HIVEP2: variants seen among roughly 807,000 people sequenced by gnomAD.
HIVEP2 encodes HIVEP zinc finger 2.
Under a neutral mutation model 180.7 loss-of-function variants are expected in HIVEP2, and 14 were observed. That is an observed-to-expected ratio of 0.08 (90% CI 0.05 to 0.12). The LOEUF (loss-of-function observed/expected upper bound fraction) is 0.12, where lower values mean the gene tolerates loss of function less well. HIVEP2 is among the 10% of genes least tolerant of loss of function. HIVEP2 has a pLI of 1.00. For synonymous variants in HIVEP2, 1,184 were observed against 1,136.4 expected, an observed-to-expected ratio of 1.04 and a Z score of -0.84; for missense variants, 2,579 against 3,008.5, an observed-to-expected ratio of 0.86 and a Z score of 3.34.
At chr6:142,819,953 A>G (rs1240163051) in intron 2 of HIVEP2, among the ~76,000 whole-genome samples, 1 of 152,120 alleles carries the variant, frequency 6.6e-6, no homozygotes. Context: ...GTATAGCAAA[A>G]TCCTTTCAGC....
chr6:142,886,386 C>T (rs768256048), intron 1 of HIVEP2, among the ~76,000 whole-genome samples: 13 of 152,052 alleles, frequency 8.5e-5, no homozygotes, highest in Non-Finnish European at 1.8e-4. Flanking sequence ...TTCTCTTTTC[C>T]TCCCACTCAA....
At chr6:142,841,285 G>C (rs1350014467) in intron 1 of HIVEP2, among the ~76,000 whole-genome samples, 1 of 151,898 alleles carries the variant, frequency 6.6e-6, no homozygotes, top group Non-Finnish European at 1.5e-5. Context: ...CTTTCTATAA[G>C]CTTGCTTTAT....
At chr6:142,838,209 G>A (rs779048516) in intron 1 of HIVEP2, among the ~76,000 whole-genome samples, 3 of 152,058 alleles carry the variant, frequency 2.0e-5, no homozygotes, top group Non-Finnish European at 4.4e-5. Flanking sequence ...ATACTAACTA[G>A]AAATCCATGT....
rs559703835 is a variant in HIVEP2, at chr6:142,924,651, G to T, written c.-641+20448C>A. On this transcript the variant is annotated intron_variant, in intron 1 of 9. Coordinates refer to ENST00000367603, the MANE Select transcript of HIVEP2 (RefSeq NM_006734.4). Reference sequence around the variant, plus strand: ...CACAAAATTTTTCTGCAGTACAAAAGGTGGAATATATGCCCAAAAGTAGAT... The same window carrying T: ...CACAAAATTTTTCTGCAGTACAAAATGTGGAATATATGCCCAAAAGTAGAT... 3.3e-5 allele frequency among the ~76,000 whole-genome samples: 5 copies of T among 152,262 alleles called. No homozygotes were observed. In the South Asian group the frequency reaches 8.3e-4, roughly 25 times the overall value.
At chr6:142,843,727 C>T (rs1026758035) in intron 1 of HIVEP2, among the ~76,000 whole-genome samples, 1 of 152,152 alleles carries the variant, frequency 6.6e-6, no homozygotes, top group Non-Finnish European at 1.5e-5. Flanking sequence ...AATTCTATTC[C>T]AGGACAGGAA....
At chr6:142,915,699 A>T (rs1288417357) in intron 1 of HIVEP2, among the ~76,000 whole-genome samples, 1 of 151,872 alleles carries the variant, frequency 6.6e-6, no homozygotes, top group Non-Finnish European at 1.5e-5. Context: ...AGGCCTGTAA[A>T]AGTTAGGGTT....
At chr6:142,769,340 T>C (rs1775460704) in intron 5 of HIVEP2, among the ~76,000 whole-genome samples, 3 of 152,202 alleles carry the variant, frequency 2.0e-5, no homozygotes, top group African/African-American at 7.2e-5. Flanking sequence ...GTAGGCTTTT[T>C]CTTCTGAAAA....
chr6:142,776,735 A>G (rs1249365258), intron 3 of HIVEP2, among the ~76,000 whole-genome samples: 4 of 151,964 alleles, frequency 2.6e-5, no homozygotes, highest in Non-Finnish European at 4.4e-5. Flanking sequence ...CTCTTGCCAT[A>G]TTGCCCAGGC....
chr6:142,804,505 A>T (rs946773545), intron 2 of HIVEP2, among the ~76,000 whole-genome samples: 4 of 152,126 alleles, frequency 2.6e-5, no homozygotes, highest in Admixed American at 6.6e-5. Flanking sequence ...CCAAAAGCCA[A>T]CTGAAGACTT....
intron 1 of HIVEP2, among the ~76,000 whole-genome samples, chr6:142,900,036 A>C (rs1343891367): frequency 6.6e-6 from 1 of 152,210 alleles, no homozygotes; most frequent in Non-Finnish European, 1.5e-5. Flanking sequence ...TCTAAACCTT[A>C]ATATAATGTT....
intron 1 of HIVEP2, among the ~76,000 whole-genome samples, chr6:142,867,057 T>C (rs1776159417): frequency 1.3e-5 from 2 of 152,290 alleles, no homozygotes; most frequent in East Asian, 1.9e-4. Context: ...CAACCTGCTC[T>C]GGGTAAGTAT....
At chr6:142,823,805 C>T (rs1395117426) in intron 2 of HIVEP2, among the ~76,000 whole-genome samples, 1 of 152,124 alleles carries the variant, frequency 6.6e-6, no homozygotes, top group Non-Finnish European at 1.5e-5. Context: ...TAAAAACAAA[C>T]TTGTGAATAG....
chr6:142,899,376 C>T (rs1472883886), intron 1 of HIVEP2, among the ~76,000 whole-genome samples: 2 of 152,190 alleles, frequency 1.3e-5, no homozygotes, highest in Non-Finnish European at 2.9e-5. Context: ...CACAGCTAAG[C>T]TTTGTGCATC....
intron 6 of HIVEP2, among the ~76,000 whole-genome samples, chr6:142,766,253 T>A (rs1775377703): frequency 6.6e-6 from 1 of 152,220 alleles, no homozygotes; most frequent in African/African-American, 2.4e-5. Flanking sequence ...TCAGTACCAA[T>A]CCAGATGAGA....
At chr6:142,904,911 T>C (rs1777225109) in intron 1 of HIVEP2, among the ~76,000 whole-genome samples, 1 of 152,184 alleles carries the variant, frequency 6.6e-6, no homozygotes, top group South Asian at 2.1e-4. Flanking sequence ...TCATATCTAT[T>C]GACCTGGGAT....
rs1775577736 is a variant in HIVEP2, at chr6:142,772,565, G to A, written c.2174C>T (p.Ala725Val). ...SIVSTPVGIMASDYDPKLQMQ... is the reference protein window; with the variant it reads ...SIVSTPVGIMVSDYDPKLQMQ... ...CTGCAGTTTGGGGTCATAATCGGAA[G>A]CCATGATGCCCACAGGAGTGCTTAC... The change falls in exon 5 of 10, where the codon GCT (alanine) becomes GTT (valine). Residue 725 changes from alanine (A) to valine (V), a missense_variant. This residue lies in a region of HIVEP2 where 524 missense variants were observed against 563.6 expected (regional missense o/e 0.93). Coordinates refer to ENST00000367603, the MANE Select transcript of HIVEP2 (RefSeq NM_006734.4). This position sits in a 1 kb window ranked among gnomAD's most constrained non-coding sequence, Gnocchi z 4.9. The A allele has an allele frequency of 6.2e-7, 1 of 1,614,170 alleles. No homozygotes were observed. Among genetic ancestry groups the A allele is most frequent in the Non-Finnish European group, 8.5e-7 (1 of 1,180,038 alleles).
chr6:142,823,661 C>G (rs1433553902), intron 2 of HIVEP2, among the ~76,000 whole-genome samples: 1 of 152,188 alleles, frequency 6.6e-6, no homozygotes, highest in South Asian at 2.1e-4. Context: ...ATAATTAGAG[C>G]AGCATTTGGA....
At chr6:142,765,448 A>G (rs1775357986) in intron 6 of HIVEP2, among the ~76,000 whole-genome samples, 1 of 152,258 alleles carries the variant, frequency 6.6e-6, no homozygotes, top group Non-Finnish European at 1.5e-5. Context: ...AACTGATAAT[A>G]GAATTCTTCA....
intron 1 of HIVEP2, among the ~76,000 whole-genome samples, chr6:142,848,579 C>T (rs185331777): frequency 5.7e-4 from 87 of 152,060 alleles, no homozygotes; most frequent in Middle Eastern, 6.8e-3. Flanking sequence ...AAAAAAAATT[C>T]AACTGGAGCA....
Sources: gnomAD v4.1 joint callset for allele counts (sites outside exome capture counted in the v4.1 genomes callset) on GRCh38, gnomAD v4.1.1 for gene constraint, gnomAD v4.1.1 regional missense constraint, Gnocchi (gnomAD v3.1) non-coding constraint, MANE v1.5 for transcripts, NCBI Gene and HGNC (gene_info 2026-07-23, HGNC 2026-07-21) for gene names.